The following SEMA6C variants were observed in gnomAD, a reference collection of about 807,000 sequenced individuals.
SEMA6C encodes semaphorin-6C.
Under a neutral mutation model 72.9 loss-of-function variants are expected in SEMA6C, and 37 were observed. That is an observed-to-expected ratio of 0.51 (90% CI 0.39 to 0.67). The LOEUF (loss-of-function observed/expected upper bound fraction) is 0.67, where lower values mean the gene tolerates loss of function less well. Among genes scored for constraint, SEMA6C ranks in the 30% least tolerant of loss-of-function variants. The pLI, the probability that SEMA6C is intolerant of heterozygous loss-of-function variation, is 0.00. For missense variants in SEMA6C, 1,189 were observed against 1,263.6 expected, an observed-to-expected ratio of 0.94 and a Z score of 0.89; for synonymous variants, 578 against 554.1, an observed-to-expected ratio of 1.04 and a Z score of -0.61.
Position 151,145,808 on chromosome 1 carries a change from A to C in SEMA6C, c.-105+625T>G, listed in dbSNP as rs758729844. 1 of 152,454 alleles carries C rather than the reference A, an allele frequency of 6.6e-6. No homozygotes were observed. The highest frequency in any genetic ancestry group is 1.9e-4 in the East Asian group (1 of 5,186). 9.4% of individuals were successfully genotyped at this position (152,454 alleles called of 1,614,324 possible). ...GCTCAGTGGGGACCGTGGGCTCAGG[A>C]GGCAGTTGCCAGCTCGGATGTCCTC... On this transcript the variant is annotated intron_variant, in intron 1 of 18. Transcript: ENST00000368914. The surrounding 1 kb of genome is among the most constrained non-coding windows in gnomAD (Gnocchi z 4.4).
intron 3 of SEMA6C, 148 bp downstream of exon 3, chr1:151,142,356 C>A: frequency 1.2e-6 from 1 of 845,556 alleles, no homozygotes; most frequent in South Asian, 1.7e-5. Context: ...CAGGAGGTGT[C>A]AGCTCACTCT....
At position 151,133,977 on chromosome 1, in the gene SEMA6C, A is replaced by G; in HGVS notation, c.1759+424T>C. 1.8e-6 allele frequency: 2 copies of G among 1,111,052 alleles called. No homozygotes were observed. The highest frequency in any genetic ancestry group is 3.9e-5 in the East Asian group (1 of 25,624). The allele number at this position is 1,111,052 out of a possible 1,614,324, so 68.8% of individuals were successfully genotyped here. A position where few individuals can be genotyped will look rare whatever the true frequency, so the allele number is the denominator to read the frequency against. On this transcript the variant is annotated intron_variant, in intron 18 of 18. Transcript: ENST00000368914. This position sits in a 1 kb window ranked among gnomAD's most constrained non-coding sequence, Gnocchi z 5.9. ...CCCCTTACCCCGAGTGTGAACTCCA[A>G]GAGTGGAAGACTGGGGCCGGGGGTG...
rs1247288890 is a variant in SEMA6C, at chr1:151,133,206, G to C, written c.2071C>G (p.Pro691Ala). Reference protein sequence around the residue: ...TTFLPPPEGVPPPELACLPTP... With the variant: ...TTFLPPPEGVAPPELACLPTP... ...GGCAGGCAGGCCAGCTCCGGCGGGG[G>C]CACGCCCTCCGGAGGCGGCAGGAAG... Residue 691 changes from proline (P) to alanine (A), a missense_variant, in exon 19 of 19, where the codon CCC becomes GCC. By Grantham distance (27) the Pro-to-Ala change is conservative. Coordinates refer to ENST00000368914, the MANE Select transcript of SEMA6C (RefSeq NM_030913.6). This position sits in a 1 kb window ranked among gnomAD's most constrained non-coding sequence, Gnocchi z 5.9. 22 of 1,574,292 alleles carry C rather than the reference G, an allele frequency of 1.4e-5. No homozygotes were observed. Among genetic ancestry groups the C allele is most frequent in the Non-Finnish European group, 1.9e-5 (22 of 1,168,020 alleles).
chr1:151,140,438 C>T (rs1270052040), intron 3 of SEMA6C, among the ~76,000 whole-genome samples: 5 of 152,198 alleles, frequency 3.3e-5, no homozygotes, highest in African/African-American at 7.2e-5. Context: ...TGAGCCTAGT[C>T]CCTTCTTGGA....
chr1:151,134,058 G>C, intron 18 of SEMA6C: 1 of 1,507,964 alleles, frequency 6.6e-7, no homozygotes, highest in Non-Finnish European at 8.9e-7. Context: ...CGGAAGCACT[G>C]GTGGCAGAGA....
intron 3 of SEMA6C, among the ~76,000 whole-genome samples, chr1:151,141,114 C>A (rs1682508598): frequency 6.6e-6 from 1 of 152,158 alleles, no homozygotes; most frequent in African/African-American, 2.4e-5. Flanking sequence ...CTCCTCTATC[C>A]TTAAAATTAC....
In SEMA6C at chr1:151,136,919, A is replaced by G. The variant is rs367798143; in HGVS notation, c.912T>C (p.Thr304=). 6.2e-7 allele frequency: 1 copy of G among 1,614,146 alleles called. No individual in the cohort carries two copies. Residue 304 remains threonine, a synonymous_variant, in exon 11 of 19, where the codon ACT becomes ACC. Coordinates refer to ENST00000368914, the MANE Select transcript of SEMA6C (RefSeq NM_030913.6). ...AGCGGCCATGCAGGTTCACAGGCCCAGTCAAGGCCTGTAAAACATCAAAAT... is the reference window on the plus strand; with the variant it reads ...AGCGGCCATGCAGGTTCACAGGCCCGGTCAAGGCCTGTAAAACATCAAAAT... ...TFYFDVLQAL[T]GPVNLHGRSA... is the part of the protein sequence containing the mutation.
rs1681887860 is a variant in SEMA6C at position 151,134,828 on chromosome 1, C to CTATG, written c.1627_1628insCATA (p.Arg543ThrfsTer2). 1 of 1,614,068 alleles carries CTATG rather than the reference C, an allele frequency of 6.2e-7. No individual in the cohort carries two copies. Among genetic ancestry groups the CTATG allele is most frequent in the Admixed American group, 1.7e-5 (1 of 60,010 alleles). On this transcript the variant is annotated stop_gained and frameshift_variant, in exon 16 of 19. Transcript: ENST00000368914. LOFTEE classifies it high-confidence loss of function. ...AGATCCCCTGATATCCACACAGCCC[C>CTATG]TGGAGCTATGCCATCCACAGTATGG...
Position 151,137,788 on chromosome 1 carries a change from C to T in SEMA6C, c.679G>A (p.Val227Ile), listed in dbSNP as rs144976743. The T allele has an allele frequency of 4.0e-5, 65 of 1,613,354 alleles. No homozygotes were observed. In the South Asian group the frequency reaches 6.2e-4, roughly 15 times the overall value. ...TGGTCTCCATGCTCCAAGGCCTGGACAAAGTGTGGCTCTAAGATGGGGAAT... is the reference window on the plus strand; with the variant it reads ...TGGTCTCCATGCTCCAAGGCCTGGATAAAGTGTGGCTCTAAGATGGGGAAT... ...DSKWLREPHF[V>I]QALEHGDHVY... Residue 227 changes from valine to isoleucine, a missense_variant, in exon 10 of 19, where the codon GTC becomes ATC. By Grantham distance (29) the Val-to-Ile change is conservative. Around this residue, in one of 2 missense-constraint regions of SEMA6C, gnomAD observed 468 missense variants for 577.4 expected, o/e 0.81. Transcript: ENST00000368914.
In SEMA6C at chr1:151,131,861, T is replaced by A. The variant is rs924704990; in HGVS notation, c.*623A>T. On this transcript the variant is annotated 3_prime_UTR_variant, in exon 19 of 19. Transcript: ENST00000368914. The stretch of plus-strand genomic sequence containing the variant: ...CAACTAAACTTTACCGGGGTCCCCC[T>A]GGCCCTGGCTCACCTCGACACCGTT... The A allele has an allele frequency of 5.8e-6, 1 of 171,976 alleles. No individual in the cohort carries two copies. Among genetic ancestry groups the A allele is most frequent in the Admixed American group, 5.6e-5 (1 of 17,798 alleles). The allele number at this position is 171,976 out of a possible 1,614,324, so 10.7% of individuals were successfully genotyped here. A position where few individuals can be genotyped will look rare whatever the true frequency, so the allele number is the denominator to read the frequency against.
Position 151,135,777 on chromosome 1 carries a change from G to T in SEMA6C, c.1260-13C>A. The T allele has an allele frequency of 6.2e-7, 1 of 1,613,116 alleles. No individual in the cohort carries two copies. The highest frequency in any genetic ancestry group is 8.5e-7 in the Non-Finnish European group (1 of 1,179,442). On this transcript the variant is annotated splice_polypyrimidine_tract_variant and intron_variant, in intron 13 of 18. Coordinates refer to ENST00000368914, the MANE Select transcript of SEMA6C (RefSeq NM_030913.6). ...GGTCAGTAGGGCCCTGGAGGAAAGG[G>T]CCTCAGGTCAGGGAACCTGTCTAGT...
At chr1:151,136,349 CCCTGAGG>C in intron 12 of SEMA6C, 92 bp downstream of exon 12, 1 of 1,534,518 alleles carries the variant, frequency 6.5e-7, no homozygotes, top group South Asian at 1.3e-5. Flanking sequence ...TAGCTCCCCA[CCCTGAGG>C]CCTTGGACAT....
intron 12 of SEMA6C, 110 bp downstream of exon 12, chr1:151,136,338 A>T: frequency 6.6e-7 from 1 of 1,511,752 alleles, no homozygotes; most frequent in South Asian, 1.3e-5. Context: ...CCACCCCACT[A>T]TAGCTCCCCA....
Position 151,138,202 on chromosome 1 carries a change from G to T in SEMA6C, c.548-97C>A, listed in dbSNP as rs587675164. ...GCACCCCTACCTAGGCCTGGCCCTG[G>T]TCCCTACCTCAACCCTCCACTCAGG... On this transcript the variant is annotated intron_variant, in intron 8 of 18. Coordinates refer to ENST00000368914, the MANE Select transcript of SEMA6C (RefSeq NM_030913.6). 4 of 1,585,182 alleles carry T rather than the reference G, an allele frequency of 2.5e-6. No homozygotes were observed. In the East Asian group the frequency reaches 9.0e-5, roughly 35 times the overall value.
intron 14 of SEMA6C, 34 bp downstream of exon 14, chr1:151,135,557 G>A: frequency 6.3e-7 from 1 of 1,589,198 alleles, no homozygotes; most frequent in Non-Finnish European, 8.6e-7. Context: ...TCCCCTCCCT[G>A]CTTTGCAGGG....
intron 18 of SEMA6C, chr1:151,134,103 C>A: frequency 7.6e-7 from 1 of 1,323,182 alleles, no homozygotes; most frequent in Non-Finnish European, 1.0e-6. Context: ...TGATCTCTAC[C>A]CCTGACACCC....
chr1:151,132,763 GGA>G lies in SEMA6C; in HGVS notation c.2512_2513del (p.Ser838ArgfsTer189). 1 of 1,435,748 alleles carries G rather than the reference GGA, an allele frequency of 7.0e-7. No individual in the cohort carries two copies. Among genetic ancestry groups the G allele is most frequent in the Non-Finnish European group, 9.1e-7 (1 of 1,093,730 alleles). 88.9% of individuals were successfully genotyped at this position (1,435,748 alleles called of 1,614,324 possible). A position where few individuals can be genotyped will look rare whatever the true frequency, so the allele number is the denominator to read the frequency against. On this transcript the variant is annotated frameshift_variant, in exon 19 of 19. Coordinates refer to ENST00000368914, the MANE Select transcript of SEMA6C (RefSeq NM_030913.6). LOFTEE classifies it low-confidence loss of function (END_TRUNC). ...CGACGCCCAGCCGGGGAGCGGGGGC[GGA>G]GAGCGCGGGCCGGGCGGGGGCAGAG... ...CASAPARPAL[S>X]APAPRLGVGG...
At chr1:151,134,573 G>T (rs1410891469) in intron 17 of SEMA6C, 47 bp downstream of exon 17, 7 of 1,610,784 alleles carry the variant, frequency 4.3e-6, no homozygotes, top group Non-Finnish European at 4.2e-6. Context: ...TGGCCATCAT[G>T]GCCATGTGCA....
At chr1:151,143,159 C>CG (rs1216171806) in intron 2 of SEMA6C, among the ~76,000 whole-genome samples, 1 of 152,210 alleles carries the variant, frequency 6.6e-6, no homozygotes, top group Non-Finnish European at 1.5e-5. Context: ...TGCGCCTAGG[C>CG]GGGGGCAGCC....
Sources: allele counts gnomAD v4.1 joint callset (sites outside exome capture counted in the v4.1 genomes callset), GRCh38; gene constraint gnomAD v4.1.1; regional missense constraint gnomAD v4.1.1; non-coding constraint Gnocchi (gnomAD v3.1); transcripts MANE v1.5; gene names NCBI Gene and HGNC (gene_info 2026-07-23, HGNC 2026-07-21).